ME2: variants seen among roughly 807,000 people sequenced by gnomAD.
ME2 encodes NAD-dependent malic enzyme, mitochondrial.
In ME2, 60 loss-of-function variants were observed where a neutral mutation model predicts 73.7. The observed-to-expected ratio is 0.81, with a 90% CI of 0.66 to 1.01. The LOEUF (loss-of-function observed/expected upper bound fraction) is 1.01, where lower values mean the gene tolerates loss of function less well. Ranked by LOEUF, ME2 falls within the 50% of genes least tolerant of loss-of-function variation. The pLI is 0.00. For missense variants in ME2, 594 were observed against 705.5 expected (o/e 0.84, Z 1.79); for synonymous variants, 199 against 236.9 (o/e 0.84, Z 1.47).
At chr18:50,922,058 A>T (rs1166398995) in intron 10 of ME2, among the ~76,000 whole-genome samples, 1 of 152,236 alleles carries the variant, frequency 6.6e-6, no homozygotes, top group East Asian at 1.9e-4. Context: ...CTTGGCATTT[A>T]TGTCTGTGGA....
At position 50,949,734 on chromosome 18, in the gene ME2, G is replaced by GA. The variant is rs1242347644; in HGVS notation, c.*2557dup. On this transcript the variant is annotated 3_prime_UTR_variant, in exon 16 of 16. Transcript: ENST00000321341. ...CATGGAAGTTATTAAGTATTTTAAG[G>GA]AAAAAAATAGGCTAAATGGCATATA... The GA allele has an allele frequency of 3.9e-5, 6 of 151,922 alleles. No homozygotes were observed. Among genetic ancestry groups the GA allele is most frequent in the South Asian group, 2.1e-4 (1 of 4,812 alleles). 9.4% of individuals were successfully genotyped at this position (151,922 alleles called of 1,614,324 possible). A position where few individuals can be genotyped will look rare whatever the true frequency, so the allele number is the denominator to read the frequency against.
chr18:50,940,592 C>G (rs1416880649), intron 15 of ME2, among the ~76,000 whole-genome samples: 1 of 152,180 alleles, frequency 6.6e-6, no homozygotes, highest in Admixed American at 6.5e-5. Context: ...CACATACATG[C>G]ATACACACAT....
intron 13 of ME2, 44 bp downstream of exon 13, chr18:50,932,404 T>C (rs796125455): frequency 4.2e-6 from 6 of 1,441,602 alleles, no homozygotes; most frequent in Admixed American, 3.4e-5. Context: ...TAGTTAATTA[T>C]GTAAAAATAC....
intron 6 of ME2, 145 bp from the exon 7 acceptor site, chr18:50,917,965 G>A: frequency 4.1e-6 from 2 of 485,294 alleles, no homozygotes; most frequent in Non-Finnish European, 3.6e-6. Context: ...GAGTGAGACT[G>A]TCTCAAAAAA....
chr18:50,930,650 G>T (rs1198626435), intron 12 of ME2, among the ~76,000 whole-genome samples: 2 of 152,114 alleles, frequency 1.3e-5, no homozygotes, highest in African/African-American at 4.8e-5. Context: ...AGATTCCCAA[G>T]ATCTTTCTAA....
chr18:50,928,399 G>C (rs1005117059), intron 12 of ME2, among the ~76,000 whole-genome samples: 3 of 151,510 alleles, frequency 2.0e-5, no homozygotes, highest in African/African-American at 7.3e-5. Flanking sequence ...CACCATGCCC[G>C]GCTAATTTTT....
intron 3 of ME2, among the ~76,000 whole-genome samples, chr18:50,910,933 A>G (rs1158623538): frequency 6.6e-6 from 1 of 152,232 alleles, no homozygotes; most frequent in Non-Finnish European, 1.5e-5. Context: ...TCAAAGAGCT[A>G]GAGATCCCTC....
chr18:50,943,889 G>A (rs1918022107), intron 15 of ME2, among the ~76,000 whole-genome samples: 1 of 152,128 alleles, frequency 6.6e-6, no homozygotes, highest in African/African-American at 2.4e-5. Context: ...TGATATTACA[G>A]GTGGGAGAGA....
chr18:50,879,452 G>A (rs1916259118), intron 1 of ME2, 144 bp downstream of exon 1: 2 of 152,264 alleles, frequency 1.3e-5, no homozygotes, highest in African/African-American at 2.4e-5. Flanking sequence ...CCTGGCGGTG[G>A]GGGCTGGGGG....
Position 50,946,163 on chromosome 18 carries a change from C to T in ME2, c.1588-854C>T, listed in dbSNP as rs1226789314. Among the ~76,000 whole-genome samples, 28 of 151,158 alleles carry T rather than the reference C, an allele frequency of 1.9e-4. 1 individual carries two copies. Among genetic ancestry groups the T allele is most frequent in the Admixed American group, 1.8e-3 (27 of 15,064 alleles). On this transcript the variant is annotated intron_variant, in intron 15 of 15. Coordinates refer to ENST00000321341, the MANE Select transcript of ME2 (RefSeq NM_002396.5). Reference sequence around the variant, plus strand: ...ATAAAACCATGACTTCAGAACTTTACTGTGTGAGAGGTGCTGTGCTACCCT... The same window carrying T: ...ATAAAACCATGACTTCAGAACTTTATTGTGTGAGAGGTGCTGTGCTACCCT...
intron 2 of ME2, among the ~76,000 whole-genome samples, chr18:50,906,768 C>T (rs1218990987): frequency 1.3e-5 from 2 of 152,124 alleles, no homozygotes; most frequent in South Asian, 2.1e-4. Context: ...GTGCATGTTG[C>T]GGCATACCTC....
chr18:50,918,673 T>TAAG (rs1281230400), intron 7 of ME2, among the ~76,000 whole-genome samples: 2 of 151,370 alleles, frequency 1.3e-5, no homozygotes, highest in African/African-American at 4.9e-5. Context: ...AACAGCTTCC[T>TAAG]CCTAACTTGG....
At chr18:50,885,783 G>A (rs1385578105) in intron 1 of ME2, among the ~76,000 whole-genome samples, 2 of 151,976 alleles carry the variant, frequency 1.3e-5, no homozygotes, top group Non-Finnish European at 2.9e-5. Context: ...TACTTTTAGA[G>A]CCAACTGCTG....
At chr18:50,909,895 G>A (rs565252344) in intron 3 of ME2, among the ~76,000 whole-genome samples, 1 of 152,234 alleles carries the variant, frequency 6.6e-6, no homozygotes, top group East Asian at 1.9e-4. Context: ...AGAGTGGCTG[G>A]TCTTGAGCAA....
In ME2 at chr18:50,949,260, T is replaced by G. The variant is rs368358461; in HGVS notation, c.*2076T>G. On this transcript the variant is annotated 3_prime_UTR_variant, in exon 16 of 16. Coordinates refer to ENST00000321341, the MANE Select transcript of ME2 (RefSeq NM_002396.5). ...TTGAACAGATTAGTAAAGTCAGAAGTCTTTTTCATAACATACGGTCACAAT... is the reference window on the plus strand; with the variant it reads ...TTGAACAGATTAGTAAAGTCAGAAGGCTTTTTCATAACATACGGTCACAAT... 1 of 152,250 alleles carries G rather than the reference T, an allele frequency of 6.6e-6. No homozygotes were observed. The highest frequency in any genetic ancestry group is 1.5e-5 in the Non-Finnish European group (1 of 68,050). The allele number at this position is 152,250 out of a possible 1,614,324, so 9.4% of individuals were successfully genotyped here. A position where few individuals can be genotyped will look rare whatever the true frequency, so the allele number is the denominator to read the frequency against.
rs188996278 is a variant in ME2 at position 50,885,259 on chromosome 18, T to C, written c.-13+5951T>C. ...CTTTTTAGCTGGGTGTGATGGCTCA[T>C]GCCTCTAATCCCAGCAACTCACAGG... On this transcript the variant is annotated intron_variant, in intron 1 of 15. Coordinates refer to ENST00000321341, the MANE Select transcript of ME2 (RefSeq NM_002396.5). Among the ~76,000 whole-genome samples, 871 of 152,364 alleles carry C rather than the reference T, an allele frequency of 5.7e-3. 7 individuals are homozygous for C. The highest frequency in any genetic ancestry group is 0.02 in the African/African-American group (842 of 41,586).
intron 12 of ME2, among the ~76,000 whole-genome samples, chr18:50,930,730 A>T (rs1917671683): frequency 1.3e-5 from 2 of 152,210 alleles, no homozygotes; most frequent in African/African-American, 2.4e-5. Flanking sequence ...TCTACCTTAT[A>T]AGACTATTAA....
In ME2 at chr18:50,953,320, G is replaced by A. The variant is rs1442752272; in HGVS notation, c.*6136G>A. ...TCACCGTGTTAGCCAGGATGGTCTC[G>A]ATCTCCTGACCTCATGATCCACCCG... On this transcript the variant is annotated 3_prime_UTR_variant, in exon 16 of 16. Transcript: ENST00000321341. 1 of 151,966 alleles carries A rather than the reference G, an allele frequency of 6.6e-6. No homozygotes were observed. The highest frequency in any genetic ancestry group is 1.5e-5 in the Non-Finnish European group (1 of 68,000). The allele number at this position is 151,966 out of a possible 1,614,324, so 9.4% of individuals were successfully genotyped here.
At chr18:50,925,980 T>C in intron 12 of ME2, 82 bp downstream of exon 12, 3 of 992,436 alleles carry the variant, frequency 3.0e-6, no homozygotes, top group Non-Finnish European at 4.6e-6. Context: ...ACCATTGTTC[T>C]AATGGTTTCC....
Sources: gnomAD v4.1 joint callset for allele counts (sites outside exome capture counted in the v4.1 genomes callset) on GRCh38, gnomAD v4.1.1 for gene constraint, MANE v1.5 for transcripts, NCBI Gene and HGNC (gene_info 2026-07-23, HGNC 2026-07-21) for gene names.